Variants in DNER observed in about 807,000 individuals in gnomAD.
DNER encodes delta/notch like EGF repeat containing.
Under a neutral mutation model 78.2 loss-of-function variants are expected in DNER, and 33 were observed. That is an observed-to-expected ratio of 0.42 (90% CI 0.32 to 0.56). The LOEUF (loss-of-function observed/expected upper bound fraction) is 0.56, where lower values mean the gene tolerates loss of function less well. DNER is among the 20% of genes least tolerant of loss of function. The pLI, the probability that DNER is intolerant of heterozygous loss-of-function variation, is 0.11. For missense variants in DNER, 918 were observed against 975.3 expected, an observed-to-expected ratio of 0.94 and a Z score of 0.78; for synonymous variants, 417 against 384.8, an observed-to-expected ratio of 1.08 and a Z score of -0.98.
intron 4 of DNER, among the ~76,000 whole-genome samples, chr2:229,555,065 AG>A (rs760700785): frequency 3.9e-5 from 6 of 152,046 alleles, no homozygotes; most frequent in Non-Finnish European, 8.8e-5. Context: ...GATTAATAAA[AG>A]TCAGAGTGAG....
intron 1 of DNER, among the ~76,000 whole-genome samples, chr2:229,678,221 A>C (rs1009794455): frequency 5.9e-5 from 9 of 152,118 alleles, no homozygotes; most frequent in African/African-American, 1.9e-4. Flanking sequence ...TTTACTAAAA[A>C]ACCCTGGGTT....
intron 5 of DNER, among the ~76,000 whole-genome samples, chr2:229,513,524 A>G (rs1639522883): frequency 6.6e-6 from 1 of 152,224 alleles, no homozygotes; most frequent in Non-Finnish European, 1.5e-5. Flanking sequence ...TATCTTAGTA[A>G]AAGACCATAA....
rs1481830597 is a variant in DNER at position 229,546,822 on chromosome 2, C to CAGATAGATAGATAGATAGAT, written c.993+124_993+125insATCTATCTATCTATCTATCT. The CAGATAGATAGATAGATAGAT allele has an allele frequency of 9.0e-4, 1,226 of 1,365,804 alleles. 10 individuals are homozygous for CAGATAGATAGATAGATAGAT. The African/African-American group carries it at 0.015, about 17-fold the overall frequency. The allele number at this position is 1,365,804 out of a possible 1,614,324, so 84.6% of individuals were successfully genotyped here. ...ATAGATAGACAGACAGACAGACAGA[C>CAGATAGATAGATAGATAGAT]AGACAGACAGATAGATAGATAGAGC... On this transcript the variant is annotated intron_variant, in intron 5 of 12. Coordinates refer to ENST00000341772, the MANE Select transcript of DNER (RefSeq NM_139072.4).
At position 229,523,182 on chromosome 2, in the gene DNER, T is replaced by C. The variant is rs571630875; in HGVS notation, c.994-10246A>G. ...CTGGTAGCCCTGGGTTCCAGCCCCA[T>C]GTAGGGCACAAATCCTCTCTGCTGC... is the stretch of plus-strand genomic sequence containing the variant. On this transcript the variant is annotated intron_variant, in intron 5 of 12. Transcript: ENST00000341772. 1.2e-4 allele frequency among the ~76,000 whole-genome samples: 19 copies of C among 152,306 alleles called. No individual in the cohort carries two copies. The South Asian group carries it at 1.9e-3, about 15-fold the overall frequency.
At chr2:229,522,210 A>G in intron 5 of DNER, among the ~76,000 whole-genome samples, 1 of 152,228 alleles carries the variant, frequency 6.6e-6, no homozygotes, top group East Asian at 1.9e-4. Flanking sequence ...CCAGGGGAGA[A>G]GAAAGTAAAT....
intron 1 of DNER, among the ~76,000 whole-genome samples, chr2:229,634,058 C>A (rs2154215830): frequency 6.6e-6 from 1 of 152,304 alleles, no homozygotes; most frequent in South Asian, 2.1e-4. Context: ...CAGGCTGTGA[C>A]TTTGTCCTCT....
chr2:229,657,514 T>A (rs1024744696), intron 1 of DNER, among the ~76,000 whole-genome samples: 2 of 152,194 alleles, frequency 1.3e-5, no homozygotes, highest in Admixed American at 6.5e-5. Context: ...TTTTTCAATT[T>A]CAACACTACA....
At chr2:229,673,146 A>C (rs1361155000) in intron 1 of DNER, among the ~76,000 whole-genome samples, 3 of 152,180 alleles carry the variant, frequency 2.0e-5, no homozygotes, top group African/African-American at 7.2e-5. Context: ...GCTGGATGGT[A>C]ACGTGATGTG....
At chr2:229,621,253 GC>G (rs1698246693) in intron 1 of DNER, among the ~76,000 whole-genome samples, 2 of 152,144 alleles carry the variant, frequency 1.3e-5, no homozygotes, top group Non-Finnish European at 2.9e-5. Flanking sequence ...GTTTCTCATT[GC>G]CCTATTTTGA....
intron 8 of DNER, among the ~76,000 whole-genome samples, chr2:229,421,217 A>G (rs1457339027): frequency 6.6e-6 from 1 of 152,156 alleles, no homozygotes; most frequent in Non-Finnish European, 1.5e-5. Flanking sequence ...TATTTTTAAA[A>G]TAGTCAAACT....
At chr2:229,400,647 T>C (rs1693246803) in intron 10 of DNER, among the ~76,000 whole-genome samples, 3 of 152,098 alleles carry the variant, frequency 2.0e-5, no homozygotes, top group Admixed American at 1.3e-4. Context: ...TATTGGATTA[T>C]AACCTAAAGT....
intron 8 of DNER, among the ~76,000 whole-genome samples, chr2:229,437,607 A>G (rs1187292704): frequency 6.6e-6 from 1 of 152,228 alleles, no homozygotes; most frequent in Non-Finnish European, 1.5e-5. Flanking sequence ...AACATCACCT[A>G]TAATGGCACA....
chr2:229,507,424 T>C (rs1186575614), intron 6 of DNER, among the ~76,000 whole-genome samples: 4 of 152,230 alleles, frequency 2.6e-5, no homozygotes, highest in Non-Finnish European at 5.9e-5. Flanking sequence ...GCTATTAGCA[T>C]TGGAGACATT....
At chr2:229,450,726 G>C (rs1694437517) in intron 7 of DNER, among the ~76,000 whole-genome samples, 1 of 152,210 alleles carries the variant, frequency 6.6e-6, no homozygotes, top group South Asian at 2.1e-4. Flanking sequence ...AAGCAAGAGG[G>C]TGGCCCTCTG....
intron 11 of DNER, among the ~76,000 whole-genome samples, chr2:229,381,720 C>A (rs758987610): frequency 6.6e-6 from 1 of 152,220 alleles, no homozygotes; most frequent in African/African-American, 2.4e-5. Context: ...ACCAGACAGC[C>A]TCTCTAGATT....
chr2:229,413,062 CT>C (rs986956416), intron 9 of DNER, among the ~76,000 whole-genome samples: 5 of 151,462 alleles, frequency 3.3e-5, no homozygotes, highest in South Asian at 2.1e-4. Flanking sequence ...AGTCTAAGAA[CT>C]TTTTTTTTCT....
At chr2:229,444,523 T>C (rs1487117612) in intron 8 of DNER, among the ~76,000 whole-genome samples, 1 of 152,208 alleles carries the variant, frequency 6.6e-6, no homozygotes, top group Non-Finnish European at 1.5e-5. Context: ...AAAACTCTAT[T>C]TGGTATTATT....
intron 5 of DNER, among the ~76,000 whole-genome samples, chr2:229,531,811 T>C (rs1696308815): frequency 6.6e-6 from 1 of 152,168 alleles, no homozygotes; most frequent in Non-Finnish European, 1.5e-5. Context: ...CAATGGAACA[T>C]TACTCAGCCA....
intron 1 of DNER, among the ~76,000 whole-genome samples, chr2:229,695,600 T>C (rs1699651154): frequency 6.6e-6 from 1 of 151,442 alleles, no homozygotes; most frequent in Admixed American, 6.6e-5. Context: ...CCAATACAAT[T>C]TCTAGAATCC....
Sources: gnomAD v4.1 joint callset for allele counts (sites outside exome capture counted in the v4.1 genomes callset) on GRCh38, gnomAD v4.1.1 for gene constraint, MANE v1.5 for transcripts, NCBI Gene and HGNC (gene_info 2026-07-23, HGNC 2026-07-21) for gene names.